Variants in ADARB2 observed in about 807,000 individuals in gnomAD.
The protein encoded by ADARB2 is inactive double-stranded RNA-specific editase B2.
In ADARB2, 25 loss-of-function variants were observed where a neutral mutation model predicts 62.2. The observed-to-expected ratio is 0.40, with a 90% CI of 0.29 to 0.56. ADARB2 has a LOEUF of 0.56. ADARB2 is among the 20% of genes least tolerant of loss of function. The pLI is 0.43. For missense variants in ADARB2, 1,071 were observed against 1,077.4 expected, an observed-to-expected ratio of 0.99 and a Z score of 0.08; for synonymous variants, 572 against 500.8, an observed-to-expected ratio of 1.14 and a Z score of -1.90.
At chr10:1,184,714 G>C in intron 9 of ADARB2, 147 bp downstream of exon 9, 1 of 927,520 alleles carries the variant, frequency 1.1e-6, no homozygotes, top group Non-Finnish European at 1.5e-6. Context: ...GCTGGCCTGG[G>C]CAGCTGGGAA....
At chr10:1,519,404 G>A (rs921476475) in intron 1 of ADARB2, among the ~76,000 whole-genome samples, 1 of 152,212 alleles carries the variant, frequency 6.6e-6, no homozygotes, top group Non-Finnish European at 1.5e-5. Context: ...TCATATGCAT[G>A]CGTTTGTGTA....
chr10:1,251,859 C>T (rs75718745), intron 4 of ADARB2, among the ~76,000 whole-genome samples: 1 of 152,258 alleles, frequency 6.6e-6, no homozygotes, highest in Non-Finnish European at 1.5e-5. Context: ...TACAGTGTTC[C>T]TCCCCTCCAA....
rs112708933 is a variant in ADARB2 at position 1,645,941 on chromosome 10, G to C, written c.100+91110C>G. ...GAAGGTGCGCTGTGAGGTGCTGTCT[G>C]TCCCTGCCTGGTGGAGCTCACCATC... On this transcript the variant is annotated intron_variant, in intron 1 of 9. Transcript: ENST00000381312. Among the ~76,000 whole-genome samples the C allele has an allele frequency of 1.8e-3, 275 of 152,296 alleles. 1 individual carries two copies. Among genetic ancestry groups the C allele is most frequent in the African/African-American group, 6.3e-3 (261 of 41,568 alleles).
intron 1 of ADARB2, among the ~76,000 whole-genome samples, chr10:1,540,497 T>A (rs1462926619): frequency 0.076 from 8,251 of 108,004 alleles, 1,464 homozygotes; most frequent in Non-Finnish European, 0.1. Context: ...GTTCAGACCC[T>A]GGATCACAGC....
At chr10:1,266,026 C>A (rs1428250755) in intron 4 of ADARB2, among the ~76,000 whole-genome samples, 2 of 130,608 alleles carry the variant, frequency 1.5e-5, no homozygotes, top group South Asian at 6.1e-4. Flanking sequence ...AGAGGGGGGC[C>A]CAGGGTCCCC....
intron 4 of ADARB2, among the ~76,000 whole-genome samples, chr10:1,258,998 G>C (rs575700390): frequency 2.4e-4 from 36 of 152,236 alleles, no homozygotes; most frequent in African/African-American, 5.5e-4. Context: ...AAGAAACTCA[G>C]TCAAAACTGC....
At chr10:1,503,290 A>G (rs552116978) in intron 1 of ADARB2, among the ~76,000 whole-genome samples, 2 of 151,700 alleles carry the variant, frequency 1.3e-5, no homozygotes, top group South Asian at 4.2e-4. Flanking sequence ...AGGCTCAAGC[A>G]ATCCTCCTGG....
intron 1 of ADARB2, among the ~76,000 whole-genome samples, chr10:1,672,282 G>A: frequency 6.6e-6 from 1 of 151,950 alleles, no homozygotes; most frequent in East Asian, 1.9e-4. Flanking sequence ...ATGTGCTGTG[G>A]GTTCCTGGGA....
chr10:1,611,523 G>C (rs2132021161), intron 1 of ADARB2, among the ~76,000 whole-genome samples: 1 of 152,228 alleles, frequency 6.6e-6, no homozygotes, highest in East Asian at 1.9e-4. Flanking sequence ...TGGGGAGGTG[G>C]GGGGTCTCGT....
At chr10:1,369,728 T>C (rs5015512) in intron 2 of ADARB2, among the ~76,000 whole-genome samples, 41,162 of 152,212 alleles carry the variant, frequency 0.27, 6,301 homozygotes, top group Middle Eastern at 0.43. Flanking sequence ...TCTGCCCTTT[T>C]TCCGAGAGGG....
intron 1 of ADARB2, among the ~76,000 whole-genome samples, chr10:1,575,408 G>A (rs1269752581): frequency 6.6e-6 from 1 of 152,230 alleles, no homozygotes; most frequent in Non-Finnish European, 1.5e-5. Context: ...GCAACTCACA[G>A]GTGGTGATCG....
intron 1 of ADARB2, among the ~76,000 whole-genome samples, chr10:1,593,336 A>T (rs1174453950): frequency 0.12 from 14,609 of 119,962 alleles, 2,049 homozygotes; most frequent in Non-Finnish European, 0.16. Context: ...CCCCTGGCCC[A>T]AACCACACTC....
intron 3 of ADARB2, among the ~76,000 whole-genome samples, chr10:1,358,710 C>T (rs1420598975): frequency 1.3e-5 from 2 of 151,926 alleles, no homozygotes; most frequent in African/African-American, 2.4e-5. Context: ...GAAGGCACTA[C>T]TTTGGAGTTT....
At chr10:1,555,240 C>G (rs150296758) in intron 1 of ADARB2, among the ~76,000 whole-genome samples, 6 of 152,280 alleles carry the variant, frequency 3.9e-5, no homozygotes, top group African/African-American at 1.4e-4. Flanking sequence ...TCCCAGTAAT[C>G]GGACAGCTGA....
rs377298925 is a variant in ADARB2 at position 1,643,151 on chromosome 10, C to G, written c.100+93900G>C. Among the ~76,000 whole-genome samples, 4 of 152,224 alleles carry G rather than the reference C, an allele frequency of 2.6e-5. No individual in the cohort carries two copies. In the East Asian group the frequency reaches 7.7e-4, roughly 29 times the overall value. On this transcript the variant is annotated intron_variant, in intron 1 of 9. Transcript: ENST00000381312. ...CAAAACTGGAATTTAAAACTCATCT[C>G]TAATGGACTCTACTCTGCCTTCCCT...
intron 1 of ADARB2, among the ~76,000 whole-genome samples, chr10:1,570,417 G>A (rs1307579405): frequency 6.8e-6 from 1 of 147,592 alleles, no homozygotes; most frequent in East Asian, 2.0e-4. Flanking sequence ...TGGGTAGAAT[G>A]CCCAGTGACA....
At chr10:1,253,555 T>C (rs190290684) in intron 4 of ADARB2, among the ~76,000 whole-genome samples, 1 of 152,358 alleles carries the variant, frequency 6.6e-6, no homozygotes, top group African/African-American at 2.4e-5. Flanking sequence ...ATTAAACACC[T>C]ACCTTATTCA....
chr10:1,545,313 A>G (rs1832502581), intron 1 of ADARB2, among the ~76,000 whole-genome samples: 1 of 152,174 alleles, frequency 6.6e-6, no homozygotes, highest in Non-Finnish European at 1.5e-5. Flanking sequence ...CTTTTCTTCC[A>G]TTTTCTATCT....
At chr10:1,427,615 C>T (rs1206002313) in intron 1 of ADARB2, among the ~76,000 whole-genome samples, 2 of 152,190 alleles carry the variant, frequency 1.3e-5, no homozygotes, top group Non-Finnish European at 2.9e-5. Flanking sequence ...ATCATTCATA[C>T]GTTGCTGGTG....
Sources: gnomAD v4.1 joint callset for allele counts (sites outside exome capture counted in the v4.1 genomes callset) on GRCh38, gnomAD v4.1.1 for gene constraint, MANE v1.5 for transcripts, NCBI Gene and HGNC (gene_info 2026-07-23, HGNC 2026-07-21) for gene names.